Variants in SPTA1 observed in about 807,000 individuals in gnomAD.
SPTA1 encodes the protein spectrin alpha, erythrocytic 1, also known as spectrin alpha chain, erythrocytic 1.
Under a neutral mutation model 324.7 loss-of-function variants are expected in SPTA1, and 177 were observed. The observed-to-expected ratio is 0.55, with a 90% CI of 0.48 to 0.62. The LOEUF (loss-of-function observed/expected upper bound fraction) is 0.62, where lower values mean the gene tolerates loss of function less well. SPTA1 is among the 20% of genes least tolerant of loss of function. The pLI, the probability that SPTA1 is intolerant of heterozygous loss-of-function variation, is 0.00. For missense variants in SPTA1, 3,162 were observed against 2,883.6 expected (o/e 1.10, Z -2.21); for synonymous variants, 1,195 against 1,041.3 (o/e 1.15, Z -2.84).
chr1:158,682,876 G>T (rs1049783518), intron 3 of SPTA1, among the ~76,000 whole-genome samples: 7 of 152,090 alleles, frequency 4.6e-5, no homozygotes, highest in Non-Finnish European at 8.8e-5. Flanking sequence ...GGAGTTTTTA[G>T]AAGTAATAAG....
At chr1:158,665,860 C>T (rs1304784082) in intron 16 of SPTA1, among the ~76,000 whole-genome samples, 3 of 145,674 alleles carry the variant, frequency 2.1e-5, no homozygotes, top group African/African-American at 7.5e-5. Context: ...AGTGAAGATA[C>T]AGAGATGCAA....
chr1:158,675,392 C>G (rs1292245172), intron 8 of SPTA1, among the ~76,000 whole-genome samples: 1 of 151,972 alleles, frequency 6.6e-6, no homozygotes, highest in Non-Finnish European at 1.5e-5. Flanking sequence ...GCTTTTCCAG[C>G]TTTTTGACCC....
intron 39 of SPTA1, among the ~76,000 whole-genome samples, chr1:158,630,624 G>T (rs1557934208): frequency 6.6e-6 from 1 of 151,620 alleles, no homozygotes; most frequent in Non-Finnish European, 1.5e-5. Flanking sequence ...GCAACAAAAA[G>T]AAAAAATAAA....
chr1:158,631,990 A>G (rs958602378), intron 39 of SPTA1, among the ~76,000 whole-genome samples: 5 of 152,208 alleles, frequency 3.3e-5, no homozygotes, highest in African/African-American at 1.2e-4. Flanking sequence ...AGATATTAGC[A>G]TCCATATGTT....
chr1:158,675,941 A>G (rs1166652932), intron 8 of SPTA1, among the ~76,000 whole-genome samples, 200 bp downstream of exon 8: 1 of 152,202 alleles, frequency 6.6e-6, no homozygotes, highest in Non-Finnish European at 1.5e-5. Context: ...TGGTAACTGA[A>G]ACCACAGATA....
At chr1:158,631,265 T>G (rs12042819) in intron 39 of SPTA1, among the ~76,000 whole-genome samples, 23,174 of 152,214 alleles carry the variant, frequency 0.15, 2,245 homozygotes, top group East Asian at 0.28. Context: ...CATCATGGAA[T>G]AGTACTCAGC....
chr1:158,637,267 C>T (rs1264178738), intron 36 of SPTA1, among the ~76,000 whole-genome samples: 3 of 152,150 alleles, frequency 2.0e-5, no homozygotes, highest in Non-Finnish European at 2.9e-5. Flanking sequence ...ACTACATGGA[C>T]AAGATTATTC....
At chr1:158,656,749 A>G in intron 19 of SPTA1, 93 bp from the exon 20 acceptor site, 1 of 1,216,600 alleles carries the variant, frequency 8.2e-7, no homozygotes, top group East Asian at 2.3e-5. Flanking sequence ...TTTGTCTTAA[A>G]TCCTGGTAAA....
Position 158,673,320 on chromosome 1 carries a change from C to T in SPTA1, c.1350+1009G>A, listed in dbSNP as rs377231334. Reference sequence around the variant, plus strand: ...CCACTGCACAGTGCTAGAGGCTGTGCTTGGCATCTAGTGAGATGCAAAGAG... The same window carrying T: ...CCACTGCACAGTGCTAGAGGCTGTGTTTGGCATCTAGTGAGATGCAAAGAG... On this transcript the variant is annotated intron_variant, in intron 10 of 51. Coordinates refer to ENST00000643759, the MANE Select transcript of SPTA1 (RefSeq NM_003126.4). 6.6e-5 allele frequency among the ~76,000 whole-genome samples: 10 copies of T among 152,276 alleles called. No individual in the cohort carries two copies. In the South Asian group the frequency reaches 2.1e-3, roughly 32 times the overall value.
chr1:158,648,771 C>T, intron 25 of SPTA1, 118 bp from the exon 26 acceptor site: 1 of 1,063,218 alleles, frequency 9.4e-7, no homozygotes, highest in African/African-American at 1.6e-5. Context: ...CACCCCCCCA[C>T]CCCAACCAAT....
rs867305086 is a variant in SPTA1 at position 158,642,968 on chromosome 1, G to T, written c.4451C>A (p.Ala1484Asp). Residue 1484 changes from alanine (A) to aspartate (D), a missense_variant, in exon 32 of 52, where the codon GCT (alanine) becomes GAT (aspartate). Coordinates refer to ENST00000643759, the MANE Select transcript of SPTA1 (RefSeq NM_003126.4). ...RLQRVLDRWK[A>D]LKAQLIDERT... Reference sequence around the variant, plus strand: ...CTCATCAATCAGTTGTGCTTTGAGAGCCTTCCACCTAGAGGACGGAGCCAA... The same window carrying T: ...CTCATCAATCAGTTGTGCTTTGAGATCCTTCCACCTAGAGGACGGAGCCAA... 6.2e-7 allele frequency: 1 copy of T among 1,613,418 alleles called. No homozygotes were observed. Among genetic ancestry groups the T allele is most frequent in the African/African-American group, 1.3e-5 (1 of 74,862 alleles).
intron 2 of SPTA1, among the ~76,000 whole-genome samples, chr1:158,684,398 C>T (rs1655026773): frequency 6.6e-6 from 1 of 152,098 alleles, no homozygotes; most frequent in Admixed American, 6.6e-5. Flanking sequence ...TATTTCCCTT[C>T]TTAATGTCCC....
chr1:158,656,776 T>C (rs755517438), intron 19 of SPTA1, 120 bp from the exon 20 acceptor site: 3 of 866,932 alleles, frequency 3.5e-6, no homozygotes. Context: ...TTTCCATCTA[T>C]CATAAAGTTA....
chr1:158,645,378 C>G lies in SPTA1; in HGVS notation c.4004G>C (p.Arg1335Pro). The G allele has an allele frequency of 6.2e-7, 1 of 1,613,916 alleles. No individual in the cohort carries two copies. Among genetic ancestry groups the G allele is most frequent in the Non-Finnish European group, 8.5e-7 (1 of 1,179,916 alleles). ...GGGAGCCTCTGCCTCCATGTCAGCACGGTGCTCCTGTGGGAAAAAGGGGGA... is the reference window on the plus strand; with the variant it reads ...GGGAGCCTCTGCCTCCATGTCAGCAGGGTGCTCCTGTGGGAAAAAGGGGGA... ...EILLERHQEHRADMEAEAPTF... is the reference protein window; with the variant it reads ...EILLERHQEHPADMEAEAPTF... Residue 1335 changes from arginine to proline, a missense_variant, in exon 29 of 52, where the codon CGT (arginine) becomes CCT (proline). Coordinates refer to ENST00000643759, the MANE Select transcript of SPTA1 (RefSeq NM_003126.4).
At chr1:158,644,902 AC>A (rs1158648515) in intron 29 of SPTA1, among the ~76,000 whole-genome samples, 2 of 152,224 alleles carry the variant, frequency 1.3e-5, no homozygotes, top group Non-Finnish European at 2.9e-5. Context: ...TAGAGTCTCA[AC>A]AAAAATCAGC....
rs77271313 is a variant in SPTA1, at chr1:158,621,243, T to C, written c.6121-777A>G. Among the ~76,000 whole-genome samples the C allele has an allele frequency of 9.4e-3, 1,437 of 152,294 alleles. 18 individuals carry two copies. Among genetic ancestry groups the C allele is most frequent in the African/African-American group, 0.033 (1,368 of 41,550 alleles). ...ATATACTTTTATACTTAAAATACATTACAGATTTTGGGTCAGCAGATAGTA... is the reference window on the plus strand; with the variant it reads ...ATATACTTTTATACTTAAAATACATCACAGATTTTGGGTCAGCAGATAGTA... On this transcript the variant is annotated intron_variant, in intron 43 of 51. Coordinates refer to ENST00000643759, the MANE Select transcript of SPTA1 (RefSeq NM_003126.4).
At chr1:158,623,319 A>T (rs1650043491) in intron 42 of SPTA1, 127 bp from the exon 43 acceptor site, 1 of 859,666 alleles carries the variant, frequency 1.2e-6, no homozygotes, top group Non-Finnish European at 2.0e-6. Context: ...AAGAAAAAGG[A>T]AATATAACTT....
chr1:158,620,722 A>C (rs1649852205), intron 43 of SPTA1: 1 of 399,572 alleles, frequency 2.5e-6, no homozygotes, highest in Non-Finnish European at 4.5e-6. Flanking sequence ...AGGGAGGTCG[A>C]ATTATTTCTA....
intron 5 of SPTA1, among the ~76,000 whole-genome samples, chr1:158,679,065 A>T (rs539605234): frequency 1.3e-5 from 2 of 152,172 alleles, no homozygotes; most frequent in African/African-American, 4.8e-5. Flanking sequence ...AAGTAGTGAG[A>T]TCTGTGAATA....
Sources: gnomAD v4.1 joint callset for allele counts (sites outside exome capture counted in the v4.1 genomes callset) on GRCh38, gnomAD v4.1.1 for gene constraint, MANE v1.5 for transcripts, NCBI Gene and HGNC (gene_info 2026-07-23, HGNC 2026-07-21) for gene names.